Variants in HERC1 observed in about 807,000 individuals in gnomAD.
HERC1 encodes the protein HECT and RLD domain containing E3 ubiquitin protein ligase family member 1.
HERC1 carries 160 observed loss-of-function variants against 554.3 expected under a neutral mutation model. The observed-to-expected ratio is 0.29, with a 90% CI of 0.25 to 0.33. The LOEUF (loss-of-function observed/expected upper bound fraction) is 0.33. Among genes scored for constraint, HERC1 ranks in the 10% least tolerant of loss-of-function variants. The probability of loss-of-function intolerance (pLI) is 1.00; values close to 1 mark genes in which losing one functional copy is unlikely to be tolerated. For missense variants in HERC1, 4,919 were observed against 5,918.5 expected (o/e 0.83, Z 5.54); for synonymous variants, 2,175 against 2,131.7 (o/e 1.02, Z -0.56).
intron 77 of HERC1, 104 bp from the exon 78 acceptor site, chr15:63,609,370 GCCACAT>G: frequency 9.8e-7 from 1 of 1,022,102 alleles, no homozygotes; most frequent in Non-Finnish European, 1.4e-6. Flanking sequence ...AATTAACATG[GCCACAT>G]GGTTAAGTCA....
At position 63,692,962 on chromosome 15, in the gene HERC1, C is replaced by CT. The variant is rs1230527399; in HGVS notation, c.5675-397dup. Among the ~76,000 whole-genome samples the CT allele has an allele frequency of 2.0e-5, 3 of 152,012 alleles. No homozygotes were observed. The highest frequency in any genetic ancestry group is 7.2e-5 in the African/African-American group (3 of 41,398). On this transcript the variant is annotated intron_variant, in intron 30 of 77. Transcript: ENST00000443617. This position sits in a 1 kb window ranked among gnomAD's most constrained non-coding sequence, Gnocchi z 4.7. ...TTGGGAGGTCGAGGCGGGCGGATCA[C>CT]TTGAGGTCAGGAGTTCAAGATCAGC...
At position 63,729,179 on chromosome 15, in the gene HERC1, C is replaced by A. The variant is rs564554972; in HGVS notation, c.3154+57G>T. ...CTGGCTCTCTTAAGACTTTGGAAAGCCAAGTGTTCTTACTTCTTAATGACT... is the reference window on the plus strand; with the variant it reads ...CTGGCTCTCTTAAGACTTTGGAAAGACAAGTGTTCTTACTTCTTAATGACT... On this transcript the variant is annotated intron_variant, in intron 16 of 77. Coordinates refer to ENST00000443617, the MANE Select transcript of HERC1 (RefSeq NM_003922.4). 462 of 1,480,642 alleles carry A rather than the reference C, an allele frequency of 3.1e-4. 2 individuals carry two copies. Among genetic ancestry groups the A allele is most frequent in the South Asian group, 2.3e-3 (167 of 73,662 alleles). 91.7% of individuals were successfully genotyped at this position (1,480,642 alleles called of 1,614,324 possible).
chr15:63,740,888 G>C (rs906732773), intron 12 of HERC1, among the ~76,000 whole-genome samples: 2 of 152,072 alleles, frequency 1.3e-5, no homozygotes, highest in South Asian at 4.1e-4. Context: ...TCATTTTCTT[G>C]AAAGTATCCT....
Position 63,727,175 on chromosome 15 carries a change from T to C in HERC1, c.3346+472A>G, listed in dbSNP as rs930142679. Reference sequence around the variant, plus strand: ...CCTGTAATCCCAGCTACTCAGGAGGTTGAGCCAGGAGAATCACTTGAACCC... The same window carrying C: ...CCTGTAATCCCAGCTACTCAGGAGGCTGAGCCAGGAGAATCACTTGAACCC... On this transcript the variant is annotated intron_variant, in intron 17 of 77. Transcript: ENST00000443617. This position sits in a 1 kb window ranked among gnomAD's most constrained non-coding sequence, Gnocchi z 4.3. 2.0e-5 allele frequency among the ~76,000 whole-genome samples: 3 copies of C among 151,208 alleles called. No homozygotes were observed. Among genetic ancestry groups the C allele is most frequent in the Admixed American group, 1.3e-4 (2 of 15,168 alleles).
chr15:63,793,212 G>A (rs1273456509), intron 1 of HERC1, among the ~76,000 whole-genome samples: 1 of 152,134 alleles, frequency 6.6e-6, no homozygotes. Context: ...GAATTCCCAG[G>A]AGGTTAGGCA....
chr15:63,712,693 T>C, intron 24 of HERC1, 82 bp downstream of exon 24: 3 of 1,284,334 alleles, frequency 2.3e-6, no homozygotes, highest in South Asian at 3.0e-5. Flanking sequence ...AAAACAAACA[T>C]ATTACTTACT....
intron 3 of HERC1, among the ~76,000 whole-genome samples, chr15:63,762,514 T>G (rs139313516): frequency 0.028 from 4,330 of 152,036 alleles, 217 homozygotes; most frequent in African/African-American, 0.1. Flanking sequence ...TAATAGAGAC[T>G]AGGTTTCACC....
intron 68 of HERC1, among the ~76,000 whole-genome samples, chr15:63,630,873 G>T (rs761458741): frequency 6.6e-6 from 1 of 152,206 alleles, no homozygotes; most frequent in African/African-American, 2.4e-5. Context: ...TTTTTAAAAA[G>T]TTGTATCTAA....
intron 77 of HERC1, among the ~76,000 whole-genome samples, chr15:63,611,731 T>C (rs540116617): frequency 2.6e-5 from 4 of 152,242 alleles, no homozygotes; most frequent in Non-Finnish European, 5.9e-5. Context: ...GTATGCTCTC[T>C]TCATCCACTT....
At chr15:63,611,386 T>G (rs2067581484) in intron 77 of HERC1, among the ~76,000 whole-genome samples, 1 of 152,202 alleles carries the variant, frequency 6.6e-6, no homozygotes, top group African/African-American at 2.4e-5. Context: ...CTGGCAGCAG[T>G]GTGCTTTTCA....
intron 1 of HERC1, among the ~76,000 whole-genome samples, chr15:63,796,855 G>A (rs1363652625): frequency 6.6e-6 from 1 of 152,182 alleles, no homozygotes; most frequent in Non-Finnish European, 1.5e-5. Flanking sequence ...TCATGCAGAT[G>A]AGGCCTCCAG....
intron 12 of HERC1, among the ~76,000 whole-genome samples, chr15:63,736,175 CAA>C (rs1447421077): frequency 6.6e-6 from 1 of 151,892 alleles, no homozygotes; most frequent in African/African-American, 2.4e-5. Context: ...TGAGAAAAAC[CAA>C]AAAACACTTT....
chr15:63,655,216 T>G (rs547481632), intron 50 of HERC1, among the ~76,000 whole-genome samples: 2 of 152,140 alleles, frequency 1.3e-5, no homozygotes, highest in Admixed American at 6.5e-5. Context: ...TAGCCGGGCA[T>G]GGTGGCATGT....
chr15:63,832,627 T>C (rs1567175199), intron 1 of HERC1, among the ~76,000 whole-genome samples: 1 of 152,152 alleles, frequency 6.6e-6, no homozygotes, highest in Non-Finnish European at 1.5e-5. Flanking sequence ...AAACAGACAA[T>C]GTTTTAACGT....
At chr15:63,724,079 T>G (rs1191173561) in intron 18 of HERC1, among the ~76,000 whole-genome samples, 1 of 152,202 alleles carries the variant, frequency 6.6e-6, no homozygotes, top group Non-Finnish European at 1.5e-5. Flanking sequence ...AAAATAAAAT[T>G]TTAATAGTTT....
intron 56 of HERC1, 62 bp from the exon 57 acceptor site, chr15:63,645,159 C>A: frequency 8.3e-7 from 1 of 1,200,908 alleles, no homozygotes; most frequent in South Asian, 1.2e-5. Context: ...AAAATATTTC[C>A]GAATTGCAAT....
intron 6 of HERC1, 138 bp from the exon 7 acceptor site, chr15:63,754,786 A>G: frequency 1.2e-6 from 1 of 838,520 alleles, no homozygotes; most frequent in Non-Finnish European, 1.8e-6. Context: ...TGAAAAACAC[A>G]ATCATTTCTA....
In HERC1 at chr15:63,692,582, A is replaced by G. The variant is rs751300383; in HGVS notation, c.5675-16T>C. 18 of 1,584,792 alleles carry G rather than the reference A, an allele frequency of 1.1e-5. No homozygotes were observed. Among genetic ancestry groups the G allele is most frequent in the Non-Finnish European group, 6.0e-6 (7 of 1,169,274 alleles). On this transcript the variant is annotated splice_polypyrimidine_tract_variant and intron_variant, in intron 30 of 77. Transcript: ENST00000443617. This position sits in a 1 kb window ranked among gnomAD's most constrained non-coding sequence, Gnocchi z 4.7. The stretch of plus-strand genomic sequence containing the variant: ...CTAAGAGCAGCTACAGTGAAGAGAC[A>G]AGTTTACGTTACAACCAAGAGCCAA...
chr15:63,829,353 T>C (rs1405101997), intron 1 of HERC1, among the ~76,000 whole-genome samples: 1 of 151,034 alleles, frequency 6.6e-6, no homozygotes, highest in Non-Finnish European at 1.5e-5. Context: ...AGCCCAGGAG[T>C]TCAAGGCTGC....
Sources: gnomAD v4.1 joint callset for allele counts (sites outside exome capture counted in the v4.1 genomes callset) on GRCh38, gnomAD v4.1.1 for gene constraint, Gnocchi (gnomAD v3.1) non-coding constraint, MANE v1.5 for transcripts, NCBI Gene and HGNC (gene_info 2026-07-23, HGNC 2026-07-21) for gene names.